The following SLC5A5 variants were observed in gnomAD, a reference collection of about 807,000 sequenced individuals.
SLC5A5 encodes sodium/iodide cotransporter.
In SLC5A5, 56 loss-of-function variants were observed where a neutral mutation model predicts 68.6. The ratio of observed to expected loss-of-function variants is 0.82; its 90% CI spans 0.66 to 1.02. The LOEUF is 1.02. SLC5A5 is among the 50% of genes least tolerant of loss of function. The pLI, the probability that SLC5A5 is intolerant of heterozygous loss-of-function variation, is 0.00. For missense variants in SLC5A5, 807 were observed against 859.8 expected, an observed-to-expected ratio of 0.94 and a Z score of 0.77; for synonymous variants, 398 against 373.0, an observed-to-expected ratio of 1.07 and a Z score of -0.77.
chr19:17,887,893 A>AC (rs1428728896), intron 12 of SLC5A5, among the ~76,000 whole-genome samples: 1 of 152,176 alleles, frequency 6.6e-6, no homozygotes, highest in Admixed American at 6.6e-5. Context: ...GGTGTGAGCC[A>AC]CCACGCCCAG....
Position 17,893,888 on chromosome 19 carries a change from A to G in SLC5A5, c.*11A>G. On this transcript the variant is annotated 3_prime_UTR_variant, in exon 15 of 15. Transcript: ENST00000222248. ...GAGACAAACCTCTGAGGACAGGGCC[A>G]GCCGCGGGACTGACACCCTGGGATG... The G allele has an allele frequency of 1.3e-6, 2 of 1,555,040 alleles. No homozygotes were observed. The highest frequency in any genetic ancestry group is 1.7e-6 in the Non-Finnish European group (2 of 1,148,200).
intron 1 of SLC5A5, 70 bp from the exon 2 acceptor site, chr19:17,874,068 G>T: frequency 8.9e-7 from 1 of 1,125,608 alleles, no homozygotes; most frequent in South Asian, 1.2e-5. Context: ...CTAGAGAGCA[G>T]ACCAGGGACC....
chr19:17,891,119 G>A, intron 14 of SLC5A5, 118 bp downstream of exon 14: 1 of 741,760 alleles, frequency 1.3e-6, no homozygotes, highest in Non-Finnish European at 2.5e-6. Flanking sequence ...ATTATCTCCA[G>A]TCAAAAGACT....
chr19:17,884,593 G>A (rs2147745770), intron 12 of SLC5A5, among the ~76,000 whole-genome samples: 2 of 151,548 alleles, frequency 1.3e-5, no homozygotes, highest in South Asian at 4.2e-4. Flanking sequence ...TCAACATGGG[G>A]AAACCCCCGT....
chr19:17,885,859 A>T (rs557359083), intron 12 of SLC5A5, among the ~76,000 whole-genome samples: 1 of 151,818 alleles, frequency 6.6e-6, no homozygotes, highest in East Asian at 2.0e-4. Flanking sequence ...GTGTCTTAGC[A>T]TAATACATAT....
chr19:17,892,697 A>AGAGC (rs1408251856), intron 14 of SLC5A5, among the ~76,000 whole-genome samples: 3 of 146,802 alleles, frequency 2.0e-5, no homozygotes, highest in Non-Finnish European at 3.0e-5. Context: ...AGAGAGAGAG[A>AGAGC]GCAAGCTAAA....
intron 10 of SLC5A5, among the ~76,000 whole-genome samples, chr19:17,882,889 TAGCCAG>T (rs113651532): frequency 0.15 from 22,834 of 152,046 alleles, 2,083 homozygotes; most frequent in Non-Finnish European, 0.2. Context: ...TTCACCGTGT[TAGCCAG>T]GATGGTCTCG....
rs1409385709 is a variant in SLC5A5, at chr19:17,872,476, C to G, written c.157C>G (p.Arg53Gly). 28 of 1,611,238 alleles carry G rather than the reference C, an allele frequency of 1.7e-5. No individual in the cohort carries two copies. In the Admixed American group the frequency reaches 4.7e-4, roughly 27 times the overall value. The part of the protein sequence containing the change: ...SAEDFFTGGR[R>G]LAALPVGLSL... ...TGAGGACTTCTTCACCGGGGGCCGG[C>G]GCCTGGCGGCCCTGCCCGTGGGCCT... The change falls in exon 1 of 15, where the codon CGC becomes GGC. Residue 53 changes from arginine to glycine, a missense_variant. By Grantham distance (125) the Arg-to-Gly change is moderately radical. Coordinates refer to ENST00000222248, the MANE Select transcript of SLC5A5 (RefSeq NM_000453.3).
intron 14 of SLC5A5, among the ~76,000 whole-genome samples, chr19:17,892,657 A>AGAGAGAGAGAGG (rs2030222061): frequency 9.8e-6 from 1 of 102,008 alleles, no homozygotes; most frequent in Non-Finnish European, 1.8e-5. Context: ...AAAGACAGAG[A>AGAGAGAGAGAGG]GAGAGAGAGA....
At chr19:17,882,121 T>C (rs774492517) in intron 9 of SLC5A5, 28 bp from the exon 10 acceptor site, 48 of 1,613,346 alleles carry the variant, frequency 3.0e-5, no homozygotes, top group Non-Finnish European at 3.6e-5. Context: ...TCCCTCCCCG[T>C]TGACCGTGCC....
chr19:17,877,563 C>A (rs2094310312), intron 5 of SLC5A5, among the ~76,000 whole-genome samples, 160 bp from the exon 6 acceptor site: 1 of 152,170 alleles, frequency 6.6e-6, no homozygotes, highest in African/African-American at 2.4e-5. Flanking sequence ...CCGCCTTGGC[C>A]TCCCAAAGTG....
intron 14 of SLC5A5, among the ~76,000 whole-genome samples, chr19:17,892,087 A>G (rs58357198): frequency 0.014 from 2,061 of 151,910 alleles, 40 homozygotes; most frequent in African/African-American, 0.046. Flanking sequence ...TGAGGCCAGG[A>G]GTTCAAGACC....
chr19:17,882,334 C>G, intron 10 of SLC5A5, 115 bp downstream of exon 10: 1 of 789,364 alleles, frequency 1.3e-6, no homozygotes, highest in Admixed American at 2.2e-5. Flanking sequence ...GAACTCACTT[C>G]TATGTTTTTT....
At chr19:17,885,249 G>A (rs1011801297) in intron 12 of SLC5A5, among the ~76,000 whole-genome samples, 5 of 152,004 alleles carry the variant, frequency 3.3e-5, no homozygotes, top group African/African-American at 7.2e-5. Flanking sequence ...GGGCTCAAGC[G>A]ATCTGCCCAC....
intron 1 of SLC5A5, 81 bp from the exon 2 acceptor site, chr19:17,874,057 C>A: frequency 9.8e-7 from 1 of 1,017,844 alleles, no homozygotes; most frequent in Non-Finnish European, 1.5e-6. Flanking sequence ...GAGGGGCCCA[C>A]CTAGAGAGCA....
At chr19:17,873,627 G>A (rs1040581149) in intron 1 of SLC5A5, among the ~76,000 whole-genome samples, 11 of 151,966 alleles carry the variant, frequency 7.2e-5, no homozygotes, top group African/African-American at 2.7e-4. Context: ...ATGGTCGCGC[G>A]CGCCTGTAAT....
chr19:17,874,121 C>T lies in SLC5A5; in HGVS notation c.358-17C>T. On this transcript the variant is annotated splice_polypyrimidine_tract_variant and intron_variant, in intron 1 of 14. Coordinates refer to ENST00000222248, the MANE Select transcript of SLC5A5 (RefSeq NM_000453.3). ...TGGGTAAGGACTGTCCAGGTGACCTCGAGTCCCTCCTTGCAGTACCTGGAG... is the reference window on the plus strand; with the variant it reads ...TGGGTAAGGACTGTCCAGGTGACCTTGAGTCCCTCCTTGCAGTACCTGGAG... 6.3e-7 allele frequency: 1 copy of T among 1,597,880 alleles called. No individual in the cohort carries two copies. Among genetic ancestry groups the T allele is most frequent in the Non-Finnish European group, 8.6e-7 (1 of 1,165,610 alleles).
chr19:17,881,464 G>A (rs968056897), intron 8 of SLC5A5, among the ~76,000 whole-genome samples: 10 of 151,938 alleles, frequency 6.6e-5, no homozygotes, highest in South Asian at 2.1e-4. Context: ...ACGGGGTTTC[G>A]CCATGTTGGC....
chr19:17,888,071 G>A (rs1229485709), intron 12 of SLC5A5, among the ~76,000 whole-genome samples: 1 of 152,140 alleles, frequency 6.6e-6, no homozygotes, highest in East Asian at 1.9e-4. Flanking sequence ...AGCCACAGAG[G>A]GTGACGGGCA....
Sources: allele counts gnomAD v4.1 joint callset (sites outside exome capture counted in the v4.1 genomes callset), GRCh38; gene constraint gnomAD v4.1.1; transcripts MANE v1.5; gene names NCBI Gene and HGNC (gene_info 2026-07-23, HGNC 2026-07-21).